Variants in MGLL observed in about 807,000 individuals in gnomAD.
MGLL encodes the protein lysophospholipase homolog.
MGLL carries 7 observed loss-of-function variants against 29.1 expected under a neutral mutation model. That is an observed-to-expected ratio of 0.24 (90% confidence interval 0.14 to 0.45). The LOEUF is 0.45. MGLL is among the 20% of genes least tolerant of loss of function. MGLL has a pLI of 0.99. For missense variants in MGLL, 356 were observed against 413.6 expected (o/e 0.86, Z 1.21); for synonymous variants, 148 against 168.3 (o/e 0.88, Z 0.93).
intron 2 of MGLL, among the ~76,000 whole-genome samples, chr3:127,801,701 CTAAAG>C (rs1285875783): frequency 2.7e-5 from 4 of 150,656 alleles, no homozygotes; most frequent in Admixed American, 2.6e-4. Context: ...GGAGTAGTCC[CTAAAG>C]TATTTATTTC....
intron 4 of MGLL, 90 bp from the exon 5 acceptor site, chr3:127,721,253 T>C: frequency 8.7e-7 from 1 of 1,155,398 alleles, no homozygotes; most frequent in Non-Finnish European, 1.3e-6. Context: ...CCTCTTAAGC[T>C]GCAGTCCTGG....
Position 127,731,842 on chromosome 3 carries a change from C to T in MGLL, c.263-9276G>A, listed in dbSNP as rs189998578. On this transcript the variant is annotated intron_variant, in intron 3 of 7. Coordinates refer to ENST00000265052, the MANE Select transcript of MGLL (RefSeq NM_007283.7). Reference sequence around the variant, plus strand: ...ATGGAATAAACTTCTCCCCTCATGACAGTAATGTTCATGTCTGTGTGTCTT... The same window carrying T: ...ATGGAATAAACTTCTCCCCTCATGATAGTAATGTTCATGTCTGTGTGTCTT... Among the ~76,000 whole-genome samples the T allele has an allele frequency of 4.8e-3, 736 of 152,300 alleles. 7 individuals carry two copies. The highest frequency in any genetic ancestry group is 0.017 in the African/African-American group (697 of 41,548).
At chr3:127,703,596 G>A (rs1201599104) in intron 6 of MGLL, among the ~76,000 whole-genome samples, 1 of 152,150 alleles carries the variant, frequency 6.6e-6, no homozygotes, top group Non-Finnish European at 1.5e-5. Flanking sequence ...CTTTCACATG[G>A]TTCAGCCAAA....
At chr3:127,726,194 G>A (rs866694042) in intron 3 of MGLL, among the ~76,000 whole-genome samples, 5,699 of 73,678 alleles carry the variant, frequency 0.077, 192 homozygotes, top group East Asian at 0.14. Context: ...GAAAAGAAAA[G>A]AAAGAAAGAA....
intron 5 of MGLL, chr3:127,713,264 G>C (rs1451490379): frequency 5.3e-5 from 8 of 152,252 alleles, no homozygotes; most frequent in African/African-American, 1.9e-4. Flanking sequence ...GGCCGAAGTG[G>C]AGCCCTGGCA....
At position 127,692,063 on chromosome 3, in the gene MGLL, A is replaced by G; in HGVS notation, c.*135T>C. On this transcript the variant is annotated 3_prime_UTR_variant, in exon 8 of 8. Transcript: ENST00000265052. ...AACAAAAATGTCTGTTATTTTTTAG[A>G]AAATTGTGCTAAGGATTTCTCCAAT... 8.0e-7 allele frequency: 1 copy of G among 1,256,470 alleles called. No homozygotes were observed. Among genetic ancestry groups the G allele is most frequent in the Non-Finnish European group, 1.1e-6 (1 of 913,216 alleles). 77.8% of individuals were successfully genotyped at this position (1,256,470 alleles called of 1,614,324 possible).
At chr3:127,812,759 C>T (rs1382070147) in intron 2 of MGLL, among the ~76,000 whole-genome samples, 1 of 152,184 alleles carries the variant, frequency 6.6e-6, no homozygotes, top group Non-Finnish European at 1.5e-5. Flanking sequence ...TTACCTGCAC[C>T]AGCCATGTGG....
At chr3:127,777,995 T>C (rs899351181) in intron 3 of MGLL, among the ~76,000 whole-genome samples, 1 of 152,170 alleles carries the variant, frequency 6.6e-6, no homozygotes, top group Non-Finnish European at 1.5e-5. Flanking sequence ...CAAAGTTAAA[T>C]TAGATGCTTA....
At chr3:127,732,214 T>C (rs141556393) in intron 3 of MGLL, among the ~76,000 whole-genome samples, 1 of 152,318 alleles carries the variant, frequency 6.6e-6, no homozygotes, top group East Asian at 1.9e-4. Context: ...CTTTAAAAAG[T>C]AGTAAAAACA....
intron 2 of MGLL, among the ~76,000 whole-genome samples, chr3:127,810,851 AGCAAACCCTCC>A (rs2077650405): frequency 1.5e-5 from 2 of 136,928 alleles, no homozygotes; most frequent in African/African-American, 7.3e-5. Flanking sequence ...CAAAAAAGGA[AGCAAACCCTCC>A]AGATTCTGAC....
At chr3:127,771,582 C>T (rs1423370649) in intron 3 of MGLL, among the ~76,000 whole-genome samples, 1 of 152,118 alleles carries the variant, frequency 6.6e-6, no homozygotes, top group East Asian at 1.9e-4. Context: ...TCTCAAACCC[C>T]TGGGCTCAAG....
intron 3 of MGLL, among the ~76,000 whole-genome samples, chr3:127,726,360 A>AT (rs1337828572): frequency 6.6e-6 from 1 of 152,042 alleles, no homozygotes; most frequent in Admixed American, 6.5e-5. Flanking sequence ...AAGGAAAAGA[A>AT]TGAAAGAAAG....
chr3:127,807,508 C>T (rs779570824), intron 2 of MGLL, among the ~76,000 whole-genome samples: 4 of 151,754 alleles, frequency 2.6e-5, no homozygotes, highest in Non-Finnish European at 4.4e-5. Flanking sequence ...CTTCTGCTTG[C>T]TTTAGGCTTA....
Position 127,709,659 on chromosome 3 carries a change from T to C in MGLL, c.600+917A>G, listed in dbSNP as rs1056366235. Among the ~76,000 whole-genome samples, 6 of 152,296 alleles carry C rather than the reference T, an allele frequency of 3.9e-5. No individual in the cohort carries two copies. The East Asian group carries it at 5.8e-4, about 15-fold the overall frequency. Reference sequence around the variant, plus strand: ...ATTCAGTGATTTAGGGAGCCAGTGATTCAATGATTTCAAACTCCTAAAGCA... The same window carrying C: ...ATTCAGTGATTTAGGGAGCCAGTGACTCAATGATTTCAAACTCCTAAAGCA... On this transcript the variant is annotated intron_variant, in intron 6 of 7. Transcript: ENST00000265052.
intron 5 of MGLL, among the ~76,000 whole-genome samples, chr3:127,717,010 G>T (rs1161973721): frequency 3.9e-5 from 6 of 152,154 alleles, no homozygotes; most frequent in Admixed American, 3.9e-4. Context: ...GTGGCAGGAG[G>T]CTTGCTAGGA....
intron 3 of MGLL, among the ~76,000 whole-genome samples, chr3:127,751,403 G>C (rs1407534508): frequency 1.3e-5 from 2 of 151,074 alleles, no homozygotes; most frequent in Non-Finnish European, 3.0e-5. Flanking sequence ...TCTTCTGCTT[G>C]GTCTCTTGAA....
rs140435312 is a variant in MGLL at position 127,733,516 on chromosome 3, G to A, written c.263-10950C>T. Among the ~76,000 whole-genome samples the A allele has an allele frequency of 7.9e-5, 12 of 152,284 alleles. No homozygotes were observed. In the East Asian group the frequency reaches 2.3e-3, roughly 29 times the overall value. On this transcript the variant is annotated intron_variant, in intron 3 of 7. Transcript: ENST00000265052. ...AGGACCCCTTTCTGGTAACAAGAGT[G>A]AGGGGGATTCAGGCCTGGGAGGCAA... is the stretch of plus-strand genomic sequence containing the variant.
chr3:127,799,186 G>A (rs779955558), intron 2 of MGLL, among the ~76,000 whole-genome samples: 9 of 152,114 alleles, frequency 5.9e-5, no homozygotes, highest in Non-Finnish European at 8.8e-5. Flanking sequence ...GAGCATCTAC[G>A]TGCCCCAGAA....
At chr3:127,820,827 A>G (rs140071914) in intron 2 of MGLL, among the ~76,000 whole-genome samples, 3 of 152,292 alleles carry the variant, frequency 2.0e-5, no homozygotes, top group Admixed American at 1.3e-4. Context: ...TTAAAAGTCC[A>G]TATCTCTGTG....
Sources: gnomAD v4.1 joint callset for allele counts (sites outside exome capture counted in the v4.1 genomes callset) on GRCh38, gnomAD v4.1.1 for gene constraint, MANE v1.5 for transcripts, NCBI Gene and HGNC (gene_info 2026-07-23, HGNC 2026-07-21) for gene names.